The following MOB3B variants were observed in gnomAD, a reference collection of about 807,000 sequenced individuals.
MOB3B encodes MOB kinase activator-like 2B.
In MOB3B, 7 loss-of-function variants were observed where a neutral mutation model predicts 18.7. The observed-to-expected ratio is 0.37, with a 90% confidence interval of 0.21 to 0.70. The LOEUF (loss-of-function observed/expected upper bound fraction) is 0.70, where lower values mean the gene tolerates loss of function less well. MOB3B is among the 30% of genes least tolerant of loss of function. The pLI is 0.52. For missense variants in MOB3B, 253 were observed against 281.3 expected (o/e 0.90, Z 0.72); for synonymous variants, 111 against 99.9 (o/e 1.11, Z -0.66).
intron 2 of MOB3B, among the ~76,000 whole-genome samples, chr9:27,448,991 C>G (rs900785647): frequency 1.3e-5 from 2 of 152,192 alleles, no homozygotes; most frequent in Non-Finnish European, 2.9e-5. Flanking sequence ...TCCTGCTAAC[C>G]CATTCCTACC....
chr9:27,352,371 CAAAAAAAAAAA>C (rs372959856), intron 3 of MOB3B, among the ~76,000 whole-genome samples: 1 of 68,340 alleles, frequency 1.5e-5, no homozygotes, highest in South Asian at 5.3e-4. Context: ...GACCCTGTCT[CAAAAAAAAAAA>C]AAAAAAAAAG....
At chr9:27,494,723 C>T in intron 1 of MOB3B, among the ~76,000 whole-genome samples, 1 of 152,056 alleles carries the variant, frequency 6.6e-6, no homozygotes, top group South Asian at 2.1e-4. Context: ...CCATTTTGGC[C>T]AGGCTGGTCT....
chr9:27,378,143 A>G (rs1821518972), intron 2 of MOB3B, among the ~76,000 whole-genome samples: 1 of 152,246 alleles, frequency 6.6e-6, no homozygotes, highest in South Asian at 2.1e-4. Flanking sequence ...CTTTCTGAAG[A>G]CACATAGCTA....
At chr9:27,444,791 T>C (rs1822665455) in intron 2 of MOB3B, among the ~76,000 whole-genome samples, 1 of 152,196 alleles carries the variant, frequency 6.6e-6, no homozygotes, top group African/African-American at 2.4e-5. Context: ...ATAATGATGG[T>C]TAACCAGGAC....
At chr9:27,408,905 C>T (rs1402530925) in intron 2 of MOB3B, among the ~76,000 whole-genome samples, 1 of 152,194 alleles carries the variant, frequency 6.6e-6, no homozygotes, top group African/African-American at 2.4e-5. Context: ...CACCCCTCTC[C>T]TGCAGATCAA....
At chr9:27,429,479 A>C in intron 2 of MOB3B, among the ~76,000 whole-genome samples, 1 of 152,234 alleles carries the variant, frequency 6.6e-6, no homozygotes, top group East Asian at 1.9e-4. Flanking sequence ...TCACACTCAG[A>C]GCAATTCAAA....
intron 1 of MOB3B, among the ~76,000 whole-genome samples, chr9:27,464,569 T>C (rs1033304630): frequency 2.0e-5 from 3 of 152,252 alleles, no homozygotes; most frequent in African/African-American, 7.2e-5. Context: ...TTCCTGGTTA[T>C]AATCCAGTTA....
At chr9:27,425,478 A>C (rs1302236541) in intron 2 of MOB3B, among the ~76,000 whole-genome samples, 1 of 152,166 alleles carries the variant, frequency 6.6e-6, no homozygotes, top group Non-Finnish European at 1.5e-5. Flanking sequence ...TGGTGCTGTG[A>C]TACATATAGT....
At chr9:27,515,080 C>T (rs1284055878) in intron 1 of MOB3B, among the ~76,000 whole-genome samples, 1 of 152,152 alleles carries the variant, frequency 6.6e-6, no homozygotes, top group East Asian at 1.9e-4. Context: ...ATTATATTAT[C>T]TCTTTGCTTG....
Position 27,470,874 on chromosome 9 carries a change from C to T in MOB3B, c.-198-15126G>A, listed in dbSNP as rs532428052. Reference sequence around the variant, plus strand: ...TCTTATTGAGTTCTATACTCTTCCCCCAGCACTGCCTCCCCCTGGCCTTTT... The same window carrying T: ...TCTTATTGAGTTCTATACTCTTCCCTCAGCACTGCCTCCCCCTGGCCTTTT... On this transcript the variant is annotated intron_variant, in intron 1 of 3. Coordinates refer to ENST00000262244, the MANE Select transcript of MOB3B (RefSeq NM_024761.5). 4.6e-5 allele frequency among the ~76,000 whole-genome samples: 7 copies of T among 152,316 alleles called. No individual in the cohort carries two copies. In the South Asian group the frequency reaches 1.2e-3, roughly 27 times the overall value.
intron 2 of MOB3B, among the ~76,000 whole-genome samples, chr9:27,442,009 G>T (rs1406656011): frequency 6.6e-6 from 1 of 152,150 alleles, no homozygotes; most frequent in Admixed American, 6.5e-5. Context: ...TAAACCAGAC[G>T]TTAAAGAGAT....
intron 2 of MOB3B, among the ~76,000 whole-genome samples, chr9:27,373,269 C>T (rs555102313): frequency 2.6e-5 from 4 of 152,314 alleles, no homozygotes; most frequent in Non-Finnish European, 5.9e-5. Context: ...GAAGCTGGCC[C>T]TGTCTCTGAC....
intron 1 of MOB3B, among the ~76,000 whole-genome samples, chr9:27,461,038 C>A (rs1196291666): frequency 1.3e-5 from 2 of 152,176 alleles, no homozygotes; most frequent in Admixed American, 1.3e-4. Context: ...GACTTCAGCT[C>A]AACTTTTCTT....
rs759289813 is a variant in MOB3B at position 27,358,930 on chromosome 9, C to G, written c.621+104G>C. 6 of 1,194,362 alleles carry G rather than the reference C, an allele frequency of 5.0e-6. No individual in the cohort carries two copies. The South Asian group carries it at 7.3e-5, about 15-fold the overall frequency. 74.0% of individuals were successfully genotyped at this position (1,194,362 alleles called of 1,614,324 possible). On this transcript the variant is annotated intron_variant, in intron 3 of 3. Transcript: ENST00000262244. ...TTCAATTCTGCAGCCCTCAGGCTAA[C>G]AGCTAGCCATCAATGAGCATTTTCC... is the stretch of plus-strand genomic sequence containing the variant.
At chr9:27,418,763 AG>A (rs1190735106) in intron 2 of MOB3B, among the ~76,000 whole-genome samples, 1 of 152,222 alleles carries the variant, frequency 6.6e-6, no homozygotes, top group Non-Finnish European at 1.5e-5. Context: ...ATTCCCTCTG[AG>A]AACTGGAACA....
Position 27,476,500 on chromosome 9 carries a change from G to T in MOB3B, c.-198-20752C>A, listed in dbSNP as rs899095416. 2.6e-5 allele frequency among the ~76,000 whole-genome samples: 4 copies of T among 152,182 alleles called. No individual in the cohort carries two copies. In the East Asian group the frequency reaches 5.8e-4, roughly 22 times the overall value. On this transcript the variant is annotated intron_variant, in intron 1 of 3. Transcript: ENST00000262244. ...TTTTATGAGGATAGCAGTCATTTTA[G>T]ATTAGAGGCCCACCCGACTCCAGTA...
chr9:27,416,374 G>A (rs1822148614), intron 2 of MOB3B, among the ~76,000 whole-genome samples: 1 of 151,976 alleles, frequency 6.6e-6, no homozygotes, highest in Non-Finnish European at 1.5e-5. Flanking sequence ...CCACGTTTGG[G>A]ATTTTTAGGA....
At chr9:27,393,033 A>T (rs1028675501) in intron 2 of MOB3B, among the ~76,000 whole-genome samples, 2 of 152,206 alleles carry the variant, frequency 1.3e-5, no homozygotes, top group African/African-American at 2.4e-5. Flanking sequence ...GATTGTCCCT[A>T]GCATTTTATT....
chr9:27,445,284 T>A (rs1402899324), intron 2 of MOB3B, among the ~76,000 whole-genome samples: 2 of 152,262 alleles, frequency 1.3e-5, no homozygotes, highest in East Asian at 3.9e-4. Flanking sequence ...GTATTATTAT[T>A]TTTCCCACGT....
Sources: gnomAD v4.1 joint callset for allele counts (sites outside exome capture counted in the v4.1 genomes callset) on GRCh38, gnomAD v4.1.1 for gene constraint, MANE v1.5 for transcripts, NCBI Gene and HGNC (gene_info 2026-07-23, HGNC 2026-07-21) for gene names.